Variants in NALF1 observed in about 807,000 individuals in gnomAD.
NALF1 encodes family with sequence similarity 155 member A.
In NALF1, 3 loss-of-function variants were observed where a neutral mutation model predicts 48.4. That is an observed-to-expected ratio of 0.06 (90% confidence interval 0.03 to 0.16). The LOEUF is 0.16. NALF1 is among the 10% of genes least tolerant of loss of function. The probability of loss-of-function intolerance (pLI) is 1.00; values close to 1 mark genes in which losing one functional copy is unlikely to be tolerated. For missense variants in NALF1, 526 were observed against 571.5 expected, an observed-to-expected ratio of 0.92 and a Z score of 0.81; for synonymous variants, 262 against 245.7, an observed-to-expected ratio of 1.07 and a Z score of -0.62.
intron 1 of NALF1, among the ~76,000 whole-genome samples, chr13:107,510,748 T>A (rs7330610): frequency 1.3e-5 from 2 of 151,910 alleles, no homozygotes; most frequent in African/African-American, 4.8e-5. Context: ...GTGACCATGA[T>A]GGACCACGAG....
chr13:107,827,037 T>C (rs967190181), intron 1 of NALF1, among the ~76,000 whole-genome samples: 3 of 152,206 alleles, frequency 2.0e-5, no homozygotes, highest in Admixed American at 1.3e-4. Context: ...TCCATGTACA[T>C]TCATTTATTT....
At chr13:107,730,505 T>C (rs1462972062) in intron 1 of NALF1, among the ~76,000 whole-genome samples, 1 of 152,240 alleles carries the variant, frequency 6.6e-6, no homozygotes, top group Non-Finnish European at 1.5e-5. Flanking sequence ...TCTGTGTTCA[T>C]CGATTTAATT....
intron 1 of NALF1, among the ~76,000 whole-genome samples, chr13:107,524,186 T>G (rs1203708378): frequency 6.6e-6 from 1 of 152,130 alleles, no homozygotes; most frequent in Non-Finnish European, 1.5e-5. Context: ...AGTTTAAATT[T>G]CCACAAATAA....
At chr13:107,250,084 C>T (rs1308538211) in intron 1 of NALF1, among the ~76,000 whole-genome samples, 1 of 144,728 alleles carries the variant, frequency 6.9e-6, no homozygotes, top group East Asian at 1.9e-4. Context: ...GAGGTTGAGC[C>T]ACTGGTGTTT....
At chr13:107,512,154 G>C (rs879860642) in intron 1 of NALF1, among the ~76,000 whole-genome samples, 7 of 152,196 alleles carry the variant, frequency 4.6e-5, no homozygotes, top group Non-Finnish European at 7.3e-5. Context: ...CAGCACTTTG[G>C]GAGGCCAAGG....
At chr13:107,457,583 A>G (rs1487569527) in intron 1 of NALF1, among the ~76,000 whole-genome samples, 1 of 152,224 alleles carries the variant, frequency 6.6e-6, no homozygotes, top group Non-Finnish European at 1.5e-5. Context: ...CATTTGCTAA[A>G]CTAGTAGCTA....
intron 1 of NALF1, among the ~76,000 whole-genome samples, chr13:107,837,626 C>T (rs1382826199): frequency 1.3e-5 from 2 of 152,098 alleles, no homozygotes; most frequent in Non-Finnish European, 2.9e-5. Flanking sequence ...TTGAGTGACA[C>T]AAATAACCTG....
At chr13:107,248,019 T>C (rs1377435806) in intron 1 of NALF1, among the ~76,000 whole-genome samples, 1 of 152,070 alleles carries the variant, frequency 6.6e-6, no homozygotes, top group African/African-American at 2.4e-5. Flanking sequence ...TGGAAGATAC[T>C]CACATTGGCA....
chr13:107,783,150 A>G (rs1877962435), intron 1 of NALF1, among the ~76,000 whole-genome samples: 1 of 109,324 alleles, frequency 9.1e-6, no homozygotes, highest in Non-Finnish European at 1.9e-5. Flanking sequence ...GGAAGTGAGG[A>G]GCCCCTCTGC....
At chr13:107,751,223 A>T (rs1876929188) in intron 1 of NALF1, among the ~76,000 whole-genome samples, 1 of 152,228 alleles carries the variant, frequency 6.6e-6, no homozygotes, top group African/African-American at 2.4e-5. Flanking sequence ...GACTCACAAC[A>T]AAACATCCAA....
At chr13:107,305,469 T>C (rs572670802) in intron 1 of NALF1, among the ~76,000 whole-genome samples, 4 of 152,350 alleles carry the variant, frequency 2.6e-5, no homozygotes, top group Non-Finnish European at 4.4e-5. Context: ...TATTTACTCA[T>C]ATTAAGTTAA....
chr13:107,536,914 G>T (rs1189047832), intron 1 of NALF1, among the ~76,000 whole-genome samples: 1 of 152,160 alleles, frequency 6.6e-6, no homozygotes, highest in African/African-American at 2.4e-5. Flanking sequence ...AAAAGGATGA[G>T]TTCATGTCCT....
intron 1 of NALF1, among the ~76,000 whole-genome samples, chr13:107,334,973 G>T (rs1283125310): frequency 1.3e-5 from 2 of 152,054 alleles, no homozygotes; most frequent in Non-Finnish European, 2.9e-5. Context: ...TTGTGGTTTT[G>T]GTTTTGAGAT....
chr13:107,505,493 G>A (rs1330327229), intron 1 of NALF1, among the ~76,000 whole-genome samples: 1 of 152,174 alleles, frequency 6.6e-6, no homozygotes, highest in Admixed American at 6.6e-5. Flanking sequence ...GCTAGAGGCT[G>A]ATTTATATGG....
intron 1 of NALF1, among the ~76,000 whole-genome samples, chr13:107,660,338 G>A (rs1440847065): frequency 6.6e-6 from 1 of 151,162 alleles, no homozygotes; most frequent in African/African-American, 2.4e-5. Flanking sequence ...GGGAGGCTGA[G>A]GCAGGAGAAT....
At chr13:107,355,195 A>T (rs1405725133) in intron 1 of NALF1, among the ~76,000 whole-genome samples, 1 of 152,192 alleles carries the variant, frequency 6.6e-6, no homozygotes, top group African/African-American at 2.4e-5. Context: ...TCTCTGCACA[A>T]CGAGGTCTGC....
chr13:107,371,494 T>C (rs1174603782), intron 1 of NALF1, among the ~76,000 whole-genome samples: 4 of 152,044 alleles, frequency 2.6e-5, no homozygotes, highest in African/African-American at 9.6e-5. Context: ...CAAGATATCA[T>C]CACAGTGAAA....
intron 1 of NALF1, among the ~76,000 whole-genome samples, chr13:107,728,009 G>A (rs1323006160): frequency 2.6e-5 from 4 of 152,132 alleles, no homozygotes; most frequent in Non-Finnish European, 4.4e-5. Flanking sequence ...CAGTTAGAAC[G>A]GTGATCATCA....
chr13:107,629,150 G>A (rs781777204), intron 1 of NALF1, among the ~76,000 whole-genome samples: 1 of 152,112 alleles, frequency 6.6e-6, no homozygotes, highest in South Asian at 2.1e-4. Flanking sequence ...TATAATTGAA[G>A]GCCAAGTTGA....
Sources: gnomAD v4.1 joint callset for allele counts (sites outside exome capture counted in the v4.1 genomes callset) on GRCh38, gnomAD v4.1.1 for gene constraint, MANE v1.5 for transcripts, NCBI Gene and HGNC (gene_info 2026-07-23, HGNC 2026-07-21) for gene names.